ERC2: variants seen among roughly 807,000 people sequenced by gnomAD.
ERC2 encodes the protein ERC protein 2.
A neutral mutation model predicts 114.8 loss-of-function variants in ERC2; 42 were observed. That is an observed-to-expected ratio of 0.37 (90% confidence interval 0.29 to 0.47). The LOEUF (loss-of-function observed/expected upper bound fraction) is 0.47. Ranked by LOEUF, ERC2 falls within the 20% of genes least tolerant of loss-of-function variation. ERC2 has a pLI of 0.99. For synonymous variants in ERC2, 454 were observed against 425.5 expected (o/e 1.07, Z -0.82); for missense variants, 939 against 1,150.7 (o/e 0.82, Z 2.66).
intron 2 of ERC2, among the ~76,000 whole-genome samples, chr3:56,411,424 C>T (rs1298051202): frequency 6.6e-6 from 1 of 151,632 alleles, no homozygotes; most frequent in East Asian, 2.0e-4. Flanking sequence ...TTCAGCACGC[C>T]GGAAAGTATA....
chr3:55,877,192 G>C (rs1411696375), intron 14 of ERC2, among the ~76,000 whole-genome samples: 1 of 152,118 alleles, frequency 6.6e-6, no homozygotes, highest in Non-Finnish European at 1.5e-5. Flanking sequence ...ATATTTAGCA[G>C]CCTCCTGGCC....
intron 3 of ERC2, among the ~76,000 whole-genome samples, chr3:56,213,213 G>A (rs928885659): frequency 4.6e-5 from 7 of 152,182 alleles, no homozygotes; most frequent in East Asian, 1.9e-4. Context: ...AAAGCAAGGC[G>A]AGGCATCACC....
intron 17 of ERC2, among the ~76,000 whole-genome samples, chr3:55,515,334 G>A (rs896975599): frequency 6.6e-6 from 1 of 151,814 alleles, no homozygotes; most frequent in Non-Finnish European, 1.5e-5. Flanking sequence ...ATCTCTGGGT[G>A]GTGGTTTTAA....
At chr3:55,932,115 C>G (rs2066131285) in intron 13 of ERC2, among the ~76,000 whole-genome samples, 1 of 152,100 alleles carries the variant, frequency 6.6e-6, no homozygotes, top group African/African-American at 2.4e-5. Context: ...TTGCTTGTCT[C>G]TATTCATGAA....
In ERC2 at chr3:55,511,283, C is replaced by A. The variant is rs539487531; in HGVS notation, c.*40-7G>T. 6.6e-6 allele frequency: 1 copy of A among 152,592 alleles called. No homozygotes were observed. The highest frequency in any genetic ancestry group is 2.4e-5 in the African/African-American group (1 of 41,436). The allele number at this position is 152,592 out of a possible 1,614,324, so 9.5% of individuals were successfully genotyped here. A position where few individuals can be genotyped will look rare whatever the true frequency, so the allele number is the denominator to read the frequency against. ...TATTCAGCCCTTCTAATAGCTGCAACAAGAAAGCACATAATTTAGCAGGGG... is the reference window on the plus strand; with the variant it reads ...TATTCAGCCCTTCTAATAGCTGCAAAAAGAAAGCACATAATTTAGCAGGGG... On this transcript the variant is annotated splice_polypyrimidine_tract_variant and splice_region_variant and intron_variant, in intron 17 of 17. Coordinates refer to ENST00000288221, the MANE Select transcript of ERC2 (RefSeq NM_015576.3).
chr3:56,073,168 T>G (rs549232559), intron 7 of ERC2, among the ~76,000 whole-genome samples: 41 of 152,256 alleles, frequency 2.7e-4, no homozygotes, highest in African/African-American at 8.9e-4. Flanking sequence ...TCAACTGAGA[T>G]AATACTGAAA....
intron 17 of ERC2, among the ~76,000 whole-genome samples, chr3:55,666,753 T>C (rs2061370704): frequency 6.6e-6 from 1 of 152,040 alleles, no homozygotes; most frequent in South Asian, 2.1e-4. Context: ...CTAGATTCAA[T>C]AGTGCTGAAG....
intron 4 of ERC2, among the ~76,000 whole-genome samples, chr3:56,164,061 C>T (rs918569209): frequency 6.6e-5 from 10 of 151,838 alleles, no homozygotes; most frequent in African/African-American, 2.4e-4. Flanking sequence ...CTTAAGTAAG[C>T]AAAGTTATTA....
chr3:56,035,671 G>T (rs111679695), intron 7 of ERC2, among the ~76,000 whole-genome samples: 2 of 152,188 alleles, frequency 1.3e-5, no homozygotes, highest in Admixed American at 1.3e-4. Flanking sequence ...CTCCTCTCTG[G>T]AAGATACAGC....
chr3:55,748,846 A>T (rs1165996432), intron 14 of ERC2, among the ~76,000 whole-genome samples: 1 of 152,214 alleles, frequency 6.6e-6, no homozygotes, highest in Non-Finnish European at 1.5e-5. Context: ...TACGAAGTTC[A>T]AGTTCACTTT....
chr3:56,139,708 A>G (rs1435567135), intron 5 of ERC2, 32 bp from the exon 6 acceptor site: 2 of 1,559,618 alleles, frequency 1.3e-6, no homozygotes, highest in Non-Finnish European at 1.7e-6. Context: ...GCAAGAAATT[A>G]GAAATTGCTG....
At chr3:55,740,181 T>C (rs925275772) in intron 14 of ERC2, among the ~76,000 whole-genome samples, 1 of 152,142 alleles carries the variant, frequency 6.6e-6, no homozygotes, top group Admixed American at 6.5e-5. Flanking sequence ...TCTCTATAAA[T>C]GTCATTAAAT....
At chr3:56,431,744 A>G (rs980020790) in intron 2 of ERC2, among the ~76,000 whole-genome samples, 2 of 152,206 alleles carry the variant, frequency 1.3e-5, no homozygotes, top group African/African-American at 2.4e-5. Context: ...TTGCAAGTAA[A>G]TTGACTTTTC....
chr3:55,791,151 T>C (rs1047577951), intron 14 of ERC2, among the ~76,000 whole-genome samples: 16 of 152,312 alleles, frequency 1.1e-4, no homozygotes, highest in African/African-American at 3.8e-4. Context: ...TTGTTCTAGA[T>C]AACACAAGCA....
chr3:56,137,455 A>G (rs915423573), intron 6 of ERC2, among the ~76,000 whole-genome samples: 1 of 152,216 alleles, frequency 6.6e-6, no homozygotes, highest in African/African-American at 2.4e-5. Context: ...GGGCATTCCA[A>G]TGCCCACTCA....
chr3:56,362,737 G>C (rs1276310477), intron 2 of ERC2, among the ~76,000 whole-genome samples: 2 of 152,214 alleles, frequency 1.3e-5, no homozygotes, highest in African/African-American at 4.8e-5. Context: ...CATCAGCAAA[G>C]AAATGACAGT....
At chr3:55,876,448 C>T (rs1575974645) in intron 14 of ERC2, among the ~76,000 whole-genome samples, 2 of 152,314 alleles carry the variant, frequency 1.3e-5, no homozygotes, top group South Asian at 4.1e-4. Context: ...TCTCATTTCT[C>T]TTCTATCCTT....
chr3:55,528,624 A>T (rs1165421717), intron 17 of ERC2, among the ~76,000 whole-genome samples: 2 of 152,226 alleles, frequency 1.3e-5, no homozygotes, highest in East Asian at 3.8e-4. Context: ...TGTTCAACAG[A>T]TATTTCTTGA....
Position 56,050,131 on chromosome 3 carries a change from T to C in ERC2, c.1641+30686A>G, listed in dbSNP as rs945512739. Reference sequence around the variant, plus strand: ...TCATATATGTTGATTGCAGTGATGGTCATGGGACTGTATGGATTTTTTAAA... The same window carrying C: ...TCATATATGTTGATTGCAGTGATGGCCATGGGACTGTATGGATTTTTTAAA... On this transcript the variant is annotated intron_variant, in intron 7 of 17. Coordinates refer to ENST00000288221, the MANE Select transcript of ERC2 (RefSeq NM_015576.3). 1.6e-4 allele frequency among the ~76,000 whole-genome samples: 24 copies of C among 152,312 alleles called. 1 individual carries two copies. The highest frequency in any genetic ancestry group is 4.1e-4 in the South Asian group (2 of 4,826).
Sources: gnomAD v4.1 joint callset for allele counts (sites outside exome capture counted in the v4.1 genomes callset) on GRCh38, gnomAD v4.1.1 for gene constraint, MANE v1.5 for transcripts, NCBI Gene and HGNC (gene_info 2026-07-23, HGNC 2026-07-21) for gene names.